FBRS: variants seen among roughly 807,000 people sequenced by gnomAD.
FBRS encodes the protein fibrosin, also known as probable fibrosin-1.
A neutral mutation model predicts 86.1 loss-of-function variants in FBRS; 15 were observed. That is an observed-to-expected ratio of 0.17 (90% CI 0.12 to 0.27). FBRS has a LOEUF of 0.27. Among genes scored for constraint, FBRS ranks in the 10% least tolerant of loss-of-function variants. FBRS has a pLI of 1.00. For missense variants in FBRS, 1,367 were observed against 1,301.6 expected, an observed-to-expected ratio of 1.05 and a Z score of -0.77; for synonymous variants, 666 against 575.8, an observed-to-expected ratio of 1.16 and a Z score of -2.24.
chr16:30,661,399 C>T (rs1378168238), intron 4 of FBRS, 66 bp downstream of exon 4: 18 of 1,550,110 alleles, frequency 1.2e-5, no homozygotes, highest in East Asian at 2.4e-5. Flanking sequence ...GCATAAAGGT[C>T]TTCTGCGTGC....
Position 30,661,284 on chromosome 16 carries a change from C to CT in FBRS, c.676-19dup. On this transcript the variant is annotated intron_variant, in intron 3 of 17. Transcript: ENST00000356166. ...GGGCCTCTTCCCTCTCGTGACACCT[C>CT]TGTCTTTCCTTCTCCCCAGTGTGAC... 2 of 1,550,844 alleles carry CT rather than the reference C, an allele frequency of 1.3e-6. No individual in the cohort carries two copies. Among genetic ancestry groups the CT allele is most frequent in the East Asian group, 2.4e-5 (1 of 40,908 alleles).
At position 30,665,648 on chromosome 16, in the gene FBRS, C is replaced by T. The variant is rs552728467; in HGVS notation, c.1715C>T (p.Pro572Leu). The change falls in exon 11 of 18, where the codon CCT becomes CTT. Residue 572 changes from proline (P) to leucine (L), a missense_variant. Around this residue, in one of 3 missense-constraint regions of FBRS, gnomAD observed 659 missense variants for 678.8 expected, o/e 0.97. Transcript: ENST00000356166. The surrounding 1 kb of genome is among the most constrained non-coding windows in gnomAD (Gnocchi z 4.1). ...ACTCCCCTTTCCCAGAGCACGAACC[C>T]TGAGCTGCCACCACGACTGGGGCCG... Reference protein sequence around the residue: ...QGAFQPKSTNPELPPRLGPVP... With the variant: ...QGAFQPKSTNLELPPRLGPVP... The T allele has an allele frequency of 1.3e-6, 2 of 1,589,438 alleles. No individual in the cohort carries two copies. The highest frequency in any genetic ancestry group is 2.3e-5 in the East Asian group (1 of 43,914).
chr16:30,669,229 G>A lies in FBRS; in HGVS notation c.2527G>A (p.Ala843Thr), dbSNP rs530969388. 43 of 1,545,408 alleles carry A rather than the reference G, an allele frequency of 2.8e-5. No homozygotes were observed. The highest frequency in any genetic ancestry group is 3.4e-4 in the Middle Eastern group (2 of 5,944). Reference protein sequence around the residue: ...AAAAAAAAAAAAAAAAATGPQ... With the variant: ...AAAAAAAAAATAAAAAATGPQ... ...CGCTGCCGCTGCTGCTGCCGCCGCC[G>A]CTGCCGCCGCCGCAGCAGCCACTGG... Residue 843 changes from alanine to threonine, a missense_variant, in exon 18 of 18, where the codon GCT becomes ACT. By Grantham distance (58) the Ala-to-Thr change is moderately conservative. Transcript: ENST00000356166. The surrounding 1 kb of genome is among the most constrained non-coding windows in gnomAD (Gnocchi z 5.9).
intron 16 of FBRS, 39 bp downstream of exon 16, chr16:30,668,682 CAG>C (rs769360037): frequency 1.3e-6 from 2 of 1,589,146 alleles, no homozygotes; most frequent in South Asian, 2.2e-5. Context: ...GCTGCGGCCA[CAG>C]GGTGAGAGCT....
rs1356297381 is a variant in FBRS, at chr16:30,665,239, TGAC to T, written c.1609-65_1609-63del. ...GGCTTTAGGGTGGAGGCCCGTGGAC[TGAC>T]GGGCAGGCTGGACTTGGGCTGCGCC... On this transcript the variant is annotated intron_variant, in intron 9 of 17. Coordinates refer to ENST00000356166, the MANE Select transcript of FBRS (RefSeq NM_001105079.3). This position sits in a 1 kb window ranked among gnomAD's most constrained non-coding sequence, Gnocchi z 4.1. 6.6e-7 allele frequency: 1 copy of T among 1,522,710 alleles called. No individual in the cohort carries two copies. The highest frequency in any genetic ancestry group is 8.9e-7 in the Non-Finnish European group (1 of 1,124,318). The allele number at this position is 1,522,710 out of a possible 1,614,324, so 94.3% of individuals were successfully genotyped here. A position where few individuals can be genotyped will look rare whatever the true frequency, so the allele number is the denominator to read the frequency against.
intron 16 of FBRS, 22 bp from the exon 17 acceptor site, chr16:30,668,750 C>T: frequency 6.3e-7 from 1 of 1,590,988 alleles, no homozygotes; most frequent in East Asian, 2.2e-5. Flanking sequence ...CCCTGTCACT[C>T]TCTGCTTCAC....
rs2052430935 is a variant in FBRS at position 30,659,686 on chromosome 16, C to T, written c.168C>T (p.Ser56=). ...TGGCCGCCCCGCGCGGCTCCTCGTC[C>T]TCGTCGTCGCCGCCGCCGCCCGCCA... is the stretch of plus-strand genomic sequence containing the variant. ...ALLAAPRGSS[S]SSSPPPPARP... Residue 56 remains serine, a synonymous_variant, in exon 1 of 18, where the codon TCC becomes TCT. Coordinates refer to ENST00000356166, the MANE Select transcript of FBRS (RefSeq NM_001105079.3). 3.6e-6 allele frequency: 3 copies of T among 841,902 alleles called. No homozygotes were observed. In the South Asian group the frequency reaches 5.1e-5, roughly 14 times the overall value. 52.2% of individuals were successfully genotyped at this position (841,902 alleles called of 1,614,324 possible).
At position 30,668,720 on chromosome 16, in the gene FBRS, C is replaced by T. The variant is rs2052552428; in HGVS notation, c.2159-52C>T. The T allele has an allele frequency of 5.1e-6, 8 of 1,582,130 alleles. No individual in the cohort carries two copies. In the Admixed American group the frequency reaches 6.9e-5, roughly 14 times the overall value. On this transcript the variant is annotated intron_variant, in intron 16 of 17. Coordinates refer to ENST00000356166, the MANE Select transcript of FBRS (RefSeq NM_001105079.3). ...CAGACGGTCTGGGAGGAGGCCTGAACAGGGCCTCCCACTTCTGGCCCCTGT... is the reference window on the plus strand; with the variant it reads ...CAGACGGTCTGGGAGGAGGCCTGAATAGGGCCTCCCACTTCTGGCCCCTGT...
rs760245566 is a variant in FBRS at position 30,669,401 on chromosome 16, C to A, written c.2699C>A (p.Ala900Glu). The change falls in exon 18 of 18, where the codon GCG becomes GAG. Residue 900 changes from alanine to glutamate, a missense_variant. Ala to Glu is a moderately radical substitution (Grantham distance 107). This residue lies in a region of FBRS where 659 missense variants were observed against 678.8 expected (regional missense o/e 0.97). Transcript: ENST00000356166. The surrounding 1 kb of genome is among the most constrained non-coding windows in gnomAD (Gnocchi z 5.9). Reference protein sequence around the residue: ...RLARPPRFYEAGEELTGPGAV... With the variant: ...RLARPPRFYEEGEELTGPGAV... The stretch of plus-strand genomic sequence containing the variant: ...GCAAGGCCACCCCGCTTCTATGAGG[C>A]GGGTGAGGAGCTAACTGGACCCGGG... The A allele has an allele frequency of 2.5e-6, 4 of 1,612,678 alleles. No individual in the cohort carries two copies.
Position 30,664,502 on chromosome 16 carries a change from C to T in FBRS, c.1343C>T (p.Ala448Val). The stretch of plus-strand genomic sequence containing the variant: ...CCAGGGCACCCTGGGGCCTCAGCCG[C>T]TAACGCCCTTTCTGGTGAGTTTGGG... ...QVPGHPGASA[A>V]NALSEQDLIG... Residue 448 changes from alanine to valine, a missense_variant, in exon 7 of 18, where the codon GCT (alanine) becomes GTT (valine). By Grantham distance (64) the Ala-to-Val change is moderately conservative. Transcript: ENST00000356166. 1 of 1,419,640 alleles carries T rather than the reference C, an allele frequency of 7.0e-7. No homozygotes were observed. Among genetic ancestry groups the T allele is most frequent in the Non-Finnish European group, 9.2e-7 (1 of 1,089,262 alleles). The allele number at this position is 1,419,640 out of a possible 1,614,324, so 87.9% of individuals were successfully genotyped here.
chr16:30,660,315 C>A lies in FBRS; in HGVS notation c.512C>A (p.Ser171Tyr). ...CGACTGGAACATCGGCTGAAGCATT[C>A]TGGGAAGCGGAAAAGGGGGGGCTCC... ...PERLEHRLKH[S>Y]GKRKRGGSSG... The change falls in exon 2 of 18, where the codon TCT becomes TAT. Residue 171 changes from serine to tyrosine, a missense_variant. Around this residue, in one of 3 missense-constraint regions of FBRS, gnomAD observed 702 missense variants for 598.7 expected, o/e 1.17. Transcript: ENST00000356166. The A allele has an allele frequency of 7.7e-7, 1 of 1,301,614 alleles. No homozygotes were observed. The highest frequency in any genetic ancestry group is 2.5e-5 in the South Asian group (1 of 40,532). 80.6% of individuals were successfully genotyped at this position (1,301,614 alleles called of 1,614,324 possible).
intron 4 of FBRS, 51 bp downstream of exon 4, chr16:30,661,384 C>G: frequency 1.3e-6 from 2 of 1,550,614 alleles, no homozygotes; most frequent in South Asian, 2.4e-5. Context: ...GTAAAAGGGA[C>G]TGCAGCATAA....
chr16:30,668,889 G>T lies in FBRS; in HGVS notation c.2276G>T (p.Arg759Leu), dbSNP rs752903003. Residue 759 changes from arginine to leucine, a missense_variant, in exon 17 of 18, where the codon CGG becomes CTG. Arg to Leu is a moderately radical substitution (Grantham distance 102, BLOSUM62 -2). This residue lies in a region of FBRS where 659 missense variants were observed against 678.8 expected (regional missense o/e 0.97). Transcript: ENST00000356166. The part of the protein sequence containing the change: ...RSPLTFPAWV[R>L]PPEAARTPGS... The stretch of plus-strand genomic sequence containing the variant: ...CCTCTGACCTTTCCTGCCTGGGTCC[G>T]GCCCCCTGAGGCCGCCCGGACTCCA... 4.0e-5 allele frequency: 64 copies of T among 1,584,254 alleles called. No homozygotes were observed. Among genetic ancestry groups the T allele is most frequent in the Non-Finnish European group, 5.2e-5 (61 of 1,169,352 alleles).
rs974775484 is a variant in FBRS at position 30,662,482 on chromosome 16, T to C, written c.754+14T>C. 18 of 1,550,618 alleles carry C rather than the reference T, an allele frequency of 1.2e-5. No individual in the cohort carries two copies. In the East Asian group the frequency reaches 4.2e-4, roughly 36 times the overall value. ...CAACCAGCAAAGGTTGGTCCCAAGGTCTGGGGCTGGAGGCACGGGAGGGCA... is the reference window on the plus strand; with the variant it reads ...CAACCAGCAAAGGTTGGTCCCAAGGCCTGGGGCTGGAGGCACGGGAGGGCA... On this transcript the variant is annotated intron_variant, in intron 5 of 17. Transcript: ENST00000356166.
rs1407198599 is a variant in FBRS at position 30,658,630 on chromosome 16, G to C, written c.-889G>C. On this transcript the variant is annotated 5_prime_UTR_variant, in exon 1 of 18. Coordinates refer to ENST00000356166, the MANE Select transcript of FBRS (RefSeq NM_001105079.3). ...AGGAGGAAGAGACTTTTATGTCGGC[G>C]GACAGGGGAGCTGTACCCGTCACCG... The C allele has an allele frequency of 6.6e-6, 1 of 152,356 alleles. No homozygotes were observed. The highest frequency in any genetic ancestry group is 1.9e-4 in the East Asian group (1 of 5,192). 9.4% of individuals were successfully genotyped at this position (152,356 alleles called of 1,614,324 possible).
chr16:30,665,201 C>T lies in FBRS; in HGVS notation c.1609-105C>T. ...AAAAGCAAGAGCCTTGAGCCTGGGA[C>T]AGCTCCCTGGGGGGCTTTAGGGTGG... On this transcript the variant is annotated intron_variant, in intron 9 of 17. Transcript: ENST00000356166. The surrounding 1 kb of genome is among the most constrained non-coding windows in gnomAD (Gnocchi z 4.1). 2.3e-5 allele frequency: 35 copies of T among 1,514,742 alleles called. No individual in the cohort carries two copies. Among genetic ancestry groups the T allele is most frequent in the Non-Finnish European group, 3.0e-5 (34 of 1,123,988 alleles). The allele number at this position is 1,514,742 out of a possible 1,614,324, so 93.8% of individuals were successfully genotyped here.
chr16:30,662,287 A>G, intron 4 of FBRS, 133 bp from the exon 5 acceptor site: 1 of 1,368,300 alleles, frequency 7.3e-7, no homozygotes, highest in Non-Finnish European at 1.0e-6. Flanking sequence ...TCTTTGATGG[A>G]TCTCAGCTAA....
rs1221448842 is a variant in FBRS, at chr16:30,668,480, C to T, written c.2075-80C>T. On this transcript the variant is annotated intron_variant, in intron 15 of 17. Coordinates refer to ENST00000356166, the MANE Select transcript of FBRS (RefSeq NM_001105079.3). The stretch of plus-strand genomic sequence containing the variant: ...GCAGCTGAGGACTCCAGGCACCGGT[C>T]CTGCCTCTGCCCAGCCAGGCCTGGT... 4 of 1,308,448 alleles carry T rather than the reference C, an allele frequency of 3.1e-6. No individual in the cohort carries two copies. The African/African-American group carries it at 4.4e-5, about 14-fold the overall frequency. 81.1% of individuals were successfully genotyped at this position (1,308,448 alleles called of 1,614,324 possible).
At chr16:30,666,209 C>G (rs570806995) in intron 11 of FBRS, 3 of 561,416 alleles carry the variant, frequency 5.3e-6, no homozygotes, top group East Asian at 3.0e-5. Flanking sequence ...CTTAAACAGA[C>G]CGCTATACTC....
Sources: allele counts gnomAD v4.1 joint callset, GRCh38; gene constraint gnomAD v4.1.1; regional missense constraint gnomAD v4.1.1; non-coding constraint Gnocchi (gnomAD v3.1); transcripts MANE v1.5; gene names NCBI Gene and HGNC (gene_info 2026-07-23, HGNC 2026-07-21).